UBR4: variants seen among roughly 807,000 people sequenced by gnomAD.
UBR4 encodes ubiquitin protein ligase E3 component n-recognin 4.
Under a neutral mutation model 575.6 loss-of-function variants are expected in UBR4, and 124 were observed. That is an observed-to-expected ratio of 0.22 (90% CI 0.19 to 0.25). UBR4 has a LOEUF of 0.25. Ranked by LOEUF, UBR4 falls within the 10% of genes least tolerant of loss-of-function variation. The pLI is 1.00. For synonymous variants in UBR4, 2,455 were observed against 2,473.7 expected, an observed-to-expected ratio of 0.99 and a Z score of 0.22; for missense variants, 4,818 against 6,478.8, an observed-to-expected ratio of 0.74 and a Z score of 8.80.
intron 97 of UBR4, among the ~76,000 whole-genome samples, chr1:19,090,646 C>A (rs1033853056): frequency 6.6e-6 from 1 of 152,152 alleles, no homozygotes; most frequent in African/African-American, 2.4e-5. Flanking sequence ...AAGCTCCCAA[C>A]AGGCACAGGC....
At chr1:19,123,873 C>T (rs1011661755) in intron 65 of UBR4, among the ~76,000 whole-genome samples, 2 of 152,212 alleles carry the variant, frequency 1.3e-5, no homozygotes, top group African/African-American at 2.4e-5. Context: ...TCCCAACCCA[C>T]CCCTACTGAC....
At chr1:19,175,964 T>C (rs1013005640) in intron 20 of UBR4, among the ~76,000 whole-genome samples, 5 of 152,282 alleles carry the variant, frequency 3.3e-5, no homozygotes, top group Non-Finnish European at 2.9e-5. Context: ...CGGCTACTTA[T>C]TAAAATAATT....
intron 11 of UBR4, among the ~76,000 whole-genome samples, chr1:19,190,312 A>AATATATATATATAT (rs1553226959): frequency 1.0e-3 from 80 of 79,768 alleles, no homozygotes; most frequent in African/African-American, 1.4e-3. Flanking sequence ...AAAAAAAAAA[A>AATATATATATATAT]ATATATATAT....
In UBR4 at chr1:19,092,830, G is replaced by C. The variant is rs772333840; in HGVS notation, c.14200C>G (p.Pro4734Ala). ...TCCTGGCTACCCACCTGGGTGCCAG[G>C]GTGCTGGATGGCCAGGCCCCGAAGC... ...RLLRGLAIQHPGTQVLIGTDS... is the reference protein window; with the variant it reads ...RLLRGLAIQHAGTQVLIGTDS... Residue 4734 changes from proline (P) to alanine (A), a missense_variant, in exon 97 of 106, where the codon CCT (proline) becomes GCT (alanine). Coordinates refer to ENST00000375254, the MANE Select transcript of UBR4 (RefSeq NM_020765.3). 1.2e-6 allele frequency: 2 copies of C among 1,612,042 alleles called. No homozygotes were observed. The highest frequency in any genetic ancestry group is 1.7e-6 in the Non-Finnish European group (2 of 1,179,270).
chr1:19,162,582 A>G lies in UBR4; in HGVS notation c.4794T>C (p.His1598=). ...KHVMILECTC[H]IMSYLADVTN... is the part of the protein sequence containing the mutation. ...TGACATCAGCCAAGTAAGACATGATATGGCATGTGCACTCCAAGATCATCA... is the reference window on the plus strand; with the variant it reads ...TGACATCAGCCAAGTAAGACATGATGTGGCATGTGCACTCCAAGATCATCA... Residue 1598 remains histidine (H), a synonymous_variant, in exon 35 of 106, where the codon CAT becomes CAC. Transcript: ENST00000375254. The G allele has an allele frequency of 6.2e-7, 1 of 1,613,956 alleles. No individual in the cohort carries two copies. The highest frequency in any genetic ancestry group is 8.5e-7 in the Non-Finnish European group (1 of 1,179,946).
intron 63 of UBR4, among the ~76,000 whole-genome samples, chr1:19,127,145 A>G (rs2081905306): frequency 6.6e-6 from 1 of 152,210 alleles, no homozygotes; most frequent in Non-Finnish European, 1.5e-5. Context: ...AAGCTACTGT[A>G]AATAAGACCA....
chr1:19,120,568 GC>G lies in UBR4; in HGVS notation c.10142-221del, dbSNP rs2081060003. 2.0e-5 allele frequency among the ~76,000 whole-genome samples: 3 copies of G among 152,342 alleles called. No homozygotes were observed. In the South Asian group the frequency reaches 6.2e-4, roughly 32 times the overall value. ...TGTAACGTTGGTGATGCAGTGGTGA[GC>G]ACAGCTGCCTTCCAGACAAGACATA... is the stretch of plus-strand genomic sequence containing the variant. On this transcript the variant is annotated intron_variant, in intron 68 of 105. Transcript: ENST00000375254.
chr1:19,113,293 C>T lies in UBR4; in HGVS notation c.11457+406G>A, dbSNP rs1303023155. 1.5e-5 allele frequency: 4 copies of T among 262,418 alleles called. No individual in the cohort carries two copies. In the East Asian group the frequency reaches 2.7e-4, roughly 18 times the overall value. 16.3% of individuals were successfully genotyped at this position (262,418 alleles called of 1,614,324 possible). ...TAGGTCTGTGACATTGCAACTGACA[C>T]AAGGCCCACCCTGGTTGATTGCAGT... is the stretch of plus-strand genomic sequence containing the variant. On this transcript the variant is annotated intron_variant, in intron 77 of 105. Coordinates refer to ENST00000375254, the MANE Select transcript of UBR4 (RefSeq NM_020765.3).
At chr1:19,104,695 TGATATCACTGCCAAG>T (rs2078999324) in intron 85 of UBR4, 29 bp from the exon 86 acceptor site, 1 of 1,607,840 alleles carries the variant, frequency 6.2e-7, no homozygotes, top group South Asian at 1.1e-5. Context: ...GCAGTCAGTG[TGATATCACTGCCAAG>T]GATACCAGTT....
chr1:19,086,880 A>G, intron 99 of UBR4, 59 bp from the exon 100 acceptor site: 2 of 1,597,486 alleles, frequency 1.3e-6, no homozygotes, highest in Non-Finnish European at 1.7e-6. Flanking sequence ...GCTCAGGAGA[A>G]GCAGAATAGA....
chr1:19,138,366 T>A (rs887729761), intron 59 of UBR4, among the ~76,000 whole-genome samples, 185 bp from the exon 60 acceptor site: 1 of 152,224 alleles, frequency 6.6e-6, no homozygotes, highest in Non-Finnish European at 1.5e-5. Context: ...ACTCTCACAG[T>A]AGCCATTCAC....
In UBR4 at chr1:19,183,848, G is replaced by A. The variant is rs745991227; in HGVS notation, c.2147C>T (p.Ser716Leu). 6.2e-7 allele frequency: 1 copy of A among 1,614,200 alleles called. No homozygotes were observed. Among genetic ancestry groups the A allele is most frequent in the African/African-American group, 1.3e-5 (1 of 75,052 alleles). ...TGACTGAAGGTCAGAGGTTACCAGT[G>A]AGTGGTTGAAGTGATAGAGAGCTGC... ...FAAALYHFNH[S>L]LVTSDLQSPN... The change falls in exon 17 of 106, where the codon TCA (serine) becomes TTA (leucine). Residue 716 changes from serine (S) to leucine (L), a missense_variant. Around this residue, in one of 29 missense-constraint regions of UBR4, gnomAD observed 1,172 missense variants for 1,259.7 expected, o/e 0.93. Coordinates refer to ENST00000375254, the MANE Select transcript of UBR4 (RefSeq NM_020765.3).
chr1:19,154,512 C>T (rs1412722961), intron 44 of UBR4, among the ~76,000 whole-genome samples: 1 of 152,108 alleles, frequency 6.6e-6, no homozygotes, highest in Non-Finnish European at 1.5e-5. Flanking sequence ...CCAACCATGC[C>T]CCCATTACTG....
Position 19,120,128 on chromosome 1 carries a change from G to T in UBR4, c.10310+52C>A. On this transcript the variant is annotated intron_variant, in intron 69 of 105. Coordinates refer to ENST00000375254, the MANE Select transcript of UBR4 (RefSeq NM_020765.3). ...CGAAAACAAAATAGAACTGCATTAC[G>T]CACCCTGGCCTCACACCCTTGCAGA... is the stretch of plus-strand genomic sequence containing the variant. 5 of 1,590,430 alleles carry T rather than the reference G, an allele frequency of 3.1e-6. No homozygotes were observed. The Admixed American group carries it at 8.5e-5, about 27-fold the overall frequency.
Position 19,128,143 on chromosome 1 carries a change from C to T in UBR4, c.9111+68G>A, listed in dbSNP as rs116009132. 4.3e-4 allele frequency: 637 copies of T among 1,471,432 alleles called. 3 individuals are homozygous for T. In the African/African-American group the frequency reaches 7.2e-3, roughly 17 times the overall value. 91.1% of individuals were successfully genotyped at this position (1,471,432 alleles called of 1,614,324 possible). On this transcript the variant is annotated intron_variant, in intron 62 of 105. Coordinates refer to ENST00000375254, the MANE Select transcript of UBR4 (RefSeq NM_020765.3). Reference sequence around the variant, plus strand: ...AACGAGGTGAAGTTCCTCTATGAAACGAATGGGAACCTGAGAAAGGATCTC... The same window carrying T: ...AACGAGGTGAAGTTCCTCTATGAAATGAATGGGAACCTGAGAAAGGATCTC...
rs2091628353 is a variant in UBR4 at position 19,187,159 on chromosome 1, C to T, written c.1632+5G>A. ...TAAATTATCAATGGCTTAACTCCCACCCACCTTTCTGTAGGAAGTTGAAAG... is the reference window on the plus strand; with the variant it reads ...TAAATTATCAATGGCTTAACTCCCATCCACCTTTCTGTAGGAAGTTGAAAG... On this transcript the variant is annotated splice_donor_5th_base_variant and intron_variant, in intron 13 of 105. Coordinates refer to ENST00000375254, the MANE Select transcript of UBR4 (RefSeq NM_020765.3). The T allele has an allele frequency of 6.2e-7, 1 of 1,604,662 alleles. No individual in the cohort carries two copies. The highest frequency in any genetic ancestry group is 1.3e-5 in the African/African-American group (1 of 74,584).
intron 39 of UBR4, among the ~76,000 whole-genome samples, chr1:19,158,310 A>G (rs1455868689): frequency 6.6e-6 from 1 of 152,258 alleles, no homozygotes; most frequent in Non-Finnish European, 1.5e-5. Context: ...TAACCTGGCA[A>G]CATAAAAATC....
intron 92 of UBR4, among the ~76,000 whole-genome samples, chr1:19,096,251 A>G (rs928435905): frequency 2.6e-5 from 4 of 152,328 alleles, no homozygotes. Flanking sequence ...AACAACAATG[A>G]TAATAGTTAA....
chr1:19,187,871 T>C (rs1410916961), intron 11 of UBR4, among the ~76,000 whole-genome samples: 1 of 151,892 alleles, frequency 6.6e-6, no homozygotes, highest in Non-Finnish European at 1.5e-5. Context: ...TTAGACCAGC[T>C]TGGCAACCTA....
Sources: allele counts gnomAD v4.1 joint callset (sites outside exome capture counted in the v4.1 genomes callset), GRCh38; gene constraint gnomAD v4.1.1; regional missense constraint gnomAD v4.1.1; transcripts MANE v1.5; gene names NCBI Gene and HGNC (gene_info 2026-07-23, HGNC 2026-07-21).